The following PDGFC variants were observed in gnomAD, a reference collection of about 807,000 sequenced individuals.
PDGFC encodes platelet-derived growth factor C.
In PDGFC, 12 loss-of-function variants were observed where a neutral mutation model predicts 35.5. The ratio of observed to expected loss-of-function variants is 0.34; its 90% CI spans 0.22 to 0.55. The LOEUF is 0.55. Ranked by LOEUF, PDGFC falls within the 20% of genes least tolerant of loss-of-function variation. PDGFC has a pLI of 0.91. For synonymous variants in PDGFC, 159 were observed against 148.8 expected, an observed-to-expected ratio of 1.07 and a Z score of -0.50; for missense variants, 322 against 412.4, an observed-to-expected ratio of 0.78 and a Z score of 1.90.
chr4:156,802,966 CAAACAAGGAAGT>C (rs945722604), intron 3 of PDGFC, among the ~76,000 whole-genome samples: 1 of 152,050 alleles, frequency 6.6e-6, no homozygotes, highest in African/African-American at 2.4e-5. Context: ...ACTCTCTTCG[CAAACAAGGAAGT>C]AAATTGAGAC....
intron 4 of PDGFC, chr4:156,770,490 G>C (rs1189364857): frequency 6.6e-6 from 1 of 151,782 alleles, no homozygotes; most frequent in African/African-American, 2.4e-5. Flanking sequence ...GGGGGGGAAG[G>C]CAAATAAAGA....
chr4:156,943,908 A>G (rs1731874337), intron 1 of PDGFC, among the ~76,000 whole-genome samples: 1 of 152,118 alleles, frequency 6.6e-6, no homozygotes, highest in African/African-American at 2.4e-5. Context: ...GATTTTCCTC[A>G]TCCCAAACGT....
chr4:156,965,267 C>T (rs1732438379), intron 1 of PDGFC, among the ~76,000 whole-genome samples: 1 of 152,078 alleles, frequency 6.6e-6, no homozygotes, highest in Non-Finnish European at 1.5e-5. Context: ...ATACTAACTA[C>T]CTCCAGAACC....
intron 2 of PDGFC, among the ~76,000 whole-genome samples, chr4:156,827,921 AC>A: frequency 6.6e-6 from 1 of 152,222 alleles, no homozygotes; most frequent in South Asian, 2.1e-4. Flanking sequence ...ACACACATGT[AC>A]ACATGGGAGT....
intron 3 of PDGFC, among the ~76,000 whole-genome samples, chr4:156,774,790 C>G (rs1028082823): frequency 6.6e-6 from 1 of 151,748 alleles, no homozygotes; most frequent in African/African-American, 2.4e-5. Flanking sequence ...CATGTACTTT[C>G]CAAGTCTCCA....
At chr4:156,812,361 T>C (rs1731956966) in intron 2 of PDGFC, among the ~76,000 whole-genome samples, 1 of 152,134 alleles carries the variant, frequency 6.6e-6, no homozygotes, top group Admixed American at 6.6e-5. Context: ...TAAATTACTT[T>C]GCTATTTTAA....
In PDGFC at chr4:156,798,552, T is replaced by C. The variant is rs1251591515; in HGVS notation, c.495+12285A>G. Among the ~76,000 whole-genome samples, 5 of 152,168 alleles carry C rather than the reference T, an allele frequency of 3.3e-5. 1 individual carries two copies. Among genetic ancestry groups the C allele is most frequent in the Non-Finnish European group, 7.3e-5 (5 of 68,028 alleles). On this transcript the variant is annotated intron_variant, in intron 3 of 5. Coordinates refer to ENST00000502773, the MANE Select transcript of PDGFC (RefSeq NM_016205.3). Reference sequence around the variant, plus strand: ...TGGGTAGAAGTGAGAGTTCTTCATATTACTTTTATCAGTAATAGGATTAGG... The same window carrying C: ...TGGGTAGAAGTGAGAGTTCTTCATACTACTTTTATCAGTAATAGGATTAGG...
chr4:156,854,678 T>C (rs1729532458), intron 1 of PDGFC, among the ~76,000 whole-genome samples: 1 of 152,176 alleles, frequency 6.6e-6, no homozygotes, highest in Non-Finnish European at 1.5e-5. Flanking sequence ...TGTGCTTATA[T>C]TCTGTTGTTT....
chr4:156,798,995 C>T (rs549397189), intron 3 of PDGFC, among the ~76,000 whole-genome samples: 6 of 152,184 alleles, frequency 3.9e-5, no homozygotes, highest in African/African-American at 1.2e-4. Flanking sequence ...CCAATGCCTA[C>T]CTCAGATTTT....
chr4:156,890,764 A>G (rs532221684), intron 1 of PDGFC, among the ~76,000 whole-genome samples: 200 of 152,366 alleles, frequency 1.3e-3, no homozygotes, highest in South Asian at 3.7e-3. Context: ...TGAAATGTGC[A>G]ATGTTACATG....
In PDGFC at chr4:156,971,113, T is replaced by A; in HGVS notation, c.-210A>T. 1 of 522,148 alleles carries A rather than the reference T, an allele frequency of 1.9e-6. No homozygotes were observed. Among genetic ancestry groups the A allele is most frequent in the Non-Finnish European group, 3.4e-6 (1 of 292,130 alleles). 32.3% of individuals were successfully genotyped at this position (522,148 alleles called of 1,614,324 possible). A position where few individuals can be genotyped will look rare whatever the true frequency, so the allele number is the denominator to read the frequency against. On this transcript the variant is annotated 5_prime_UTR_variant, in exon 1 of 6. Transcript: ENST00000502773. ...CTGTGTCTCCAGTTTTTGAAAAGGA[T>A]CAAAGCAAAACCTGGACCTGAACCA...
At chr4:156,901,356 C>T (rs1730778192) in intron 1 of PDGFC, among the ~76,000 whole-genome samples, 1 of 152,000 alleles carries the variant, frequency 6.6e-6, no homozygotes, top group South Asian at 2.1e-4. Flanking sequence ...ACGAAGCTCC[C>T]TAGAAAGCAT....
chr4:156,932,378 C>T (rs966256184), intron 1 of PDGFC, among the ~76,000 whole-genome samples: 20 of 152,224 alleles, frequency 1.3e-4, no homozygotes, highest in African/African-American at 4.6e-4. Flanking sequence ...CCATTTGACC[C>T]AGCCATCCCA....
chr4:156,903,424 T>C (rs1038249318), intron 1 of PDGFC, among the ~76,000 whole-genome samples: 2 of 152,112 alleles, frequency 1.3e-5, no homozygotes, highest in African/African-American at 4.8e-5. Context: ...CAAGGATTTA[T>C]AATGTTCCAA....
intron 1 of PDGFC, among the ~76,000 whole-genome samples, chr4:156,950,534 T>A (rs573334255): frequency 6.6e-6 from 1 of 151,986 alleles, no homozygotes; most frequent in African/African-American, 2.4e-5. Context: ...TTCACATCCT[T>A]ACTTTGAAGC....
Position 156,763,011 on chromosome 4 carries a change from G to T in PDGFC, c.*79C>A. On this transcript the variant is annotated 3_prime_UTR_variant, in exon 6 of 6. Transcript: ENST00000502773. The stretch of plus-strand genomic sequence containing the variant: ...AAGCAAACAACTGAGATTAAGGATG[G>T]AGATAACGCATACGTTCTCTAATAG... 1 of 751,380 alleles carries T rather than the reference G, an allele frequency of 1.3e-6. No homozygotes were observed. Among genetic ancestry groups the T allele is most frequent in the South Asian group, 1.5e-5 (1 of 67,606 alleles). The allele number at this position is 751,380 out of a possible 1,614,324, so 46.5% of individuals were successfully genotyped here. A position where few individuals can be genotyped will look rare whatever the true frequency, so the allele number is the denominator to read the frequency against.
At chr4:156,964,572 A>T (rs1732422120) in intron 1 of PDGFC, among the ~76,000 whole-genome samples, 1 of 151,896 alleles carries the variant, frequency 6.6e-6, no homozygotes, top group Non-Finnish European at 1.5e-5. Flanking sequence ...GAAGCAACAG[A>T]TTCTTACCTC....
At chr4:156,836,209 A>C (rs2111038925) in intron 2 of PDGFC, among the ~76,000 whole-genome samples, 1 of 152,236 alleles carries the variant, frequency 6.6e-6, no homozygotes, top group African/African-American at 2.4e-5. Context: ...GTGAATACAA[A>C]GAGGTCTCAC....
chr4:156,967,080 A>C (rs973211072), intron 1 of PDGFC, among the ~76,000 whole-genome samples: 3 of 151,858 alleles, frequency 2.0e-5, no homozygotes, highest in African/African-American at 7.3e-5. Flanking sequence ...AATGTCAAAA[A>C]GGTCACGCAA....
Sources: gnomAD v4.1 joint callset for allele counts (sites outside exome capture counted in the v4.1 genomes callset) on GRCh38, gnomAD v4.1.1 for gene constraint, MANE v1.5 for transcripts, NCBI Gene and HGNC (gene_info 2026-07-23, HGNC 2026-07-21) for gene names.